The following NRXN2 variants were observed in gnomAD, a reference collection of about 807,000 sequenced individuals.
NRXN2 encodes the protein neurexin 2.
In NRXN2, 29 loss-of-function variants were observed where a neutral mutation model predicts 128.8. That is an observed-to-expected ratio of 0.23 (90% CI 0.17 to 0.31). The LOEUF is 0.31. NRXN2 is among the 10% of genes least tolerant of loss of function. NRXN2 has a pLI of 1.00. For missense variants in NRXN2, 1,881 were observed against 2,452.6 expected (o/e 0.77, Z 4.92); for synonymous variants, 1,098 against 1,075.2 (o/e 1.02, Z -0.41).
At chr11:64,639,176 C>T (rs2045282754) in intron 17 of NRXN2, among the ~76,000 whole-genome samples, 1 of 152,158 alleles carries the variant, frequency 6.6e-6, no homozygotes, top group Admixed American at 6.6e-5. Flanking sequence ...AGCCATGGCC[C>T]TAGTGCTCGC....
intron 22 of NRXN2, among the ~76,000 whole-genome samples, chr11:64,612,892 T>C (rs981792802): frequency 2.6e-5 from 4 of 152,218 alleles, no homozygotes; most frequent in Admixed American, 6.5e-5. Flanking sequence ...AGTACCTTCA[T>C]GCAATATTGG....
chr11:64,680,849 C>A (rs2052140152), intron 6 of NRXN2, among the ~76,000 whole-genome samples: 1 of 152,104 alleles, frequency 6.6e-6, no homozygotes, highest in Non-Finnish European at 1.5e-5. Flanking sequence ...GTAATCCCAG[C>A]ACTTTGGGAG....
chr11:64,618,429 G>A (rs2041848532), intron 22 of NRXN2, among the ~76,000 whole-genome samples: 1 of 152,224 alleles, frequency 6.6e-6, no homozygotes, highest in South Asian at 2.1e-4. Flanking sequence ...CACATGTGGT[G>A]CCACTCAGTG....
At chr11:64,691,464 G>T (rs918226721) in intron 4 of NRXN2, among the ~76,000 whole-genome samples, 1 of 152,186 alleles carries the variant, frequency 6.6e-6, no homozygotes, top group African/African-American at 2.4e-5. Flanking sequence ...AGATCCACAG[G>T]ATGGCTTCAG....
intron 9 of NRXN2, among the ~76,000 whole-genome samples, chr11:64,662,114 C>T (rs1198935718): frequency 5.3e-5 from 8 of 151,416 alleles, no homozygotes; most frequent in Admixed American, 4.6e-4. Flanking sequence ...AAAAATTAGC[C>T]GGGTGTGTTG....
At chr11:64,627,289 A>T (rs910018748) in intron 19 of NRXN2, among the ~76,000 whole-genome samples, 1 of 150,958 alleles carries the variant, frequency 6.6e-6, no homozygotes, top group Admixed American at 6.6e-5. Flanking sequence ...CTGGGCAGCC[A>T]CTACAGGTGT....
rs2049988431 is a variant in NRXN2 at position 64,667,140 on chromosome 11, G to T, written c.1798+110C>A. On this transcript the variant is annotated intron_variant, in intron 9 of 22. Coordinates refer to ENST00000265459, the MANE Select transcript of NRXN2 (RefSeq NM_015080.4). This position sits in a 1 kb window ranked among gnomAD's most constrained non-coding sequence, Gnocchi z 5.6. ...GGGGTGGAGGAGAAGCGGCAGGGAA[G>T]AATATAGGAAATGGTGTAGAAGAGA... 1 of 1,107,276 alleles carries T rather than the reference G, an allele frequency of 9.0e-7. No individual in the cohort carries two copies. Among genetic ancestry groups the T allele is most frequent in the Middle Eastern group, 2.5e-4 (1 of 4,044 alleles). 68.6% of individuals were successfully genotyped at this position (1,107,276 alleles called of 1,614,324 possible). A position where few individuals can be genotyped will look rare whatever the true frequency, so the allele number is the denominator to read the frequency against.
Position 64,607,876 on chromosome 11 carries a change from C to T in NRXN2, c.4459G>A (p.Glu1487Lys), listed in dbSNP as rs1312251110. 4 of 1,586,948 alleles carry T rather than the reference C, an allele frequency of 2.5e-6. No homozygotes were observed. Among genetic ancestry groups the T allele is most frequent in the Non-Finnish European group, 2.6e-6 (3 of 1,167,518 alleles). ...CQAERDDSDC[E>K]EPIEASGFAS... ...AAGCCCGAGGCCTCGATGGGCTCCT[C>T]GCAGTCGCTGTCGTCCCGCTCGGCC... The change falls in exon 23 of 23, where the codon GAG becomes AAG. Residue 1487 changes from glutamate (E) to lysine (K), a missense_variant. Glu to Lys is a moderately conservative substitution (Grantham distance 56). This residue lies in a region of NRXN2 where 310 missense variants were observed against 318.2 expected (regional missense o/e 0.97). Coordinates refer to ENST00000265459, the MANE Select transcript of NRXN2 (RefSeq NM_015080.4).
Position 64,606,626 on chromosome 11 carries a change from T to G in NRXN2, c.*570A>C. 2.9e-5 allele frequency: 1 copy of G among 34,318 alleles called. No homozygotes were observed. Among genetic ancestry groups the G allele is most frequent in the Admixed American group, 2.4e-4 (1 of 4,226 alleles). 2.1% of individuals were successfully genotyped at this position (34,318 alleles called of 1,614,324 possible). On this transcript the variant is annotated 3_prime_UTR_variant, in exon 23 of 23. Transcript: ENST00000265459. ...CCACCCCACCCACCCACTGGGCCAC[T>G]CGGGCCCACCCTCCCGCCCTTCTCC...
At chr11:64,653,851 G>A in intron 11 of NRXN2, 129 bp from the exon 12 acceptor site, 5 of 675,962 alleles carry the variant, frequency 7.4e-6, no homozygotes, top group South Asian at 5.5e-5. Context: ...ACTTTCCGGG[G>A]ACCACGCGTG....
intron 2 of NRXN2, 45 bp from the exon 3 acceptor site, chr11:64,697,837 A>G: frequency 6.2e-7 from 1 of 1,610,900 alleles, no homozygotes; most frequent in Middle Eastern, 1.7e-4. Context: ...GAGAGAGAAG[A>G]AAAAGGAGGG....
At chr11:64,692,945 GAAAC>G in intron 3 of NRXN2, 69 bp from the exon 4 acceptor site, 3 of 1,344,024 alleles carry the variant, frequency 2.2e-6, no homozygotes, top group East Asian at 4.9e-5. Context: ...AAAGGGGAAA[GAAAC>G]AAAGAAAACA....
At position 64,692,829 on chromosome 11, in the gene NRXN2, C is replaced by A; in HGVS notation, c.778+18G>T. ...GGGGGCAATCCAATCCAAACCAAAC[C>A]AAAACTTCAAACCATACCTTCGCTG... On this transcript the variant is annotated intron_variant, in intron 4 of 22. Transcript: ENST00000265459. 2 of 1,613,452 alleles carry A rather than the reference C, an allele frequency of 1.2e-6. No individual in the cohort carries two copies. Among genetic ancestry groups the A allele is most frequent in the Non-Finnish European group, 1.7e-6 (2 of 1,179,890 alleles).
chr11:64,666,997 G>C (rs2135508670), intron 9 of NRXN2, among the ~76,000 whole-genome samples: 1 of 152,318 alleles, frequency 6.6e-6, no homozygotes, highest in South Asian at 2.1e-4. Context: ...TAAGGAAACA[G>C]AGTCTCACAT....
At chr11:64,682,960 C>A (rs1049192198) in intron 6 of NRXN2, among the ~76,000 whole-genome samples, 1 of 152,032 alleles carries the variant, frequency 6.6e-6, no homozygotes, top group Non-Finnish European at 1.5e-5. Context: ...ATTACCAAGT[C>A]CAAGGGAAAA....
At chr11:64,613,670 G>A (rs1351850201) in intron 22 of NRXN2, among the ~76,000 whole-genome samples, 1 of 152,230 alleles carries the variant, frequency 6.6e-6, no homozygotes, top group African/African-American at 2.4e-5. Context: ...TACCCAGGTA[G>A]GGTGCACCTG....
rs557908339 is a variant in NRXN2, at chr11:64,720,389, G to A, written c.-245+2582C>T. 9.2e-5 allele frequency among the ~76,000 whole-genome samples: 14 copies of A among 152,334 alleles called. No homozygotes were observed. The South Asian group carries it at 2.9e-3, about 32-fold the overall frequency. The stretch of plus-strand genomic sequence containing the variant: ...ATCGGGGCATCCCCGTGGGGGCTGG[G>A]CTTGGGAGCTGCGAATGAAAGGACA... On this transcript the variant is annotated intron_variant, in intron 1 of 22. Transcript: ENST00000265459.
intron 22 of NRXN2, among the ~76,000 whole-genome samples, chr11:64,611,067 G>T (rs901093062): frequency 1.3e-4 from 20 of 152,200 alleles, no homozygotes; most frequent in Non-Finnish European, 2.6e-4. Context: ...GCCAGGGAAG[G>T]GCCAACGGCC....
intron 22 of NRXN2, among the ~76,000 whole-genome samples, chr11:64,616,796 A>T (rs566161236): frequency 6.6e-6 from 1 of 152,314 alleles, no homozygotes; most frequent in African/African-American, 2.4e-5. Flanking sequence ...CACATAGCTC[A>T]GAACACAGCC....
Sources: gnomAD v4.1 joint callset for allele counts (sites outside exome capture counted in the v4.1 genomes callset) on GRCh38, gnomAD v4.1.1 for gene constraint, gnomAD v4.1.1 regional missense constraint, Gnocchi (gnomAD v3.1) non-coding constraint, MANE v1.5 for transcripts, NCBI Gene and HGNC (gene_info 2026-07-23, HGNC 2026-07-21) for gene names.